ESRRG: variants seen among roughly 807,000 people sequenced by gnomAD.
ESRRG encodes estrogen-related receptor gamma.
In ESRRG, 13 loss-of-function variants were observed where a neutral mutation model predicts 44.0. That is an observed-to-expected ratio of 0.30 (90% confidence interval 0.19 to 0.47). The LOEUF is 0.47. Among genes scored for constraint, ESRRG ranks in the 20% least tolerant of loss-of-function variants. ESRRG has a pLI of 1.00. For missense variants in ESRRG, 395 were observed against 580.6 expected (o/e 0.68, Z 3.29); for synonymous variants, 215 against 214.6 (o/e 1.00, Z -0.02).
At chr1:216,805,510 A>G (rs2094760447) in intron 2 of ESRRG, 1 of 152,202 alleles carries the variant, frequency 6.6e-6, no homozygotes, top group African/African-American at 2.4e-5. Context: ...TCACAAGTCC[A>G]GGCGGGTCAC....
intron 5 of ESRRG, among the ~76,000 whole-genome samples, chr1:216,536,630 C>T (rs992393890): frequency 6.6e-6 from 1 of 152,008 alleles, no homozygotes; most frequent in Non-Finnish European, 1.5e-5. Flanking sequence ...TCCACAGAAT[C>T]CTTCATTGTC....
At chr1:216,639,498 G>A (rs560987733) in intron 3 of ESRRG, among the ~76,000 whole-genome samples, 1 of 152,136 alleles carries the variant, frequency 6.6e-6, no homozygotes, top group Non-Finnish European at 1.5e-5. Context: ...CAACATGCTG[G>A]CTTGAACTGA....
chr1:217,074,451 C>CT (rs140445948), intron 1 of ESRRG, among the ~76,000 whole-genome samples: 1 of 144,118 alleles, frequency 6.9e-6, no homozygotes, highest in Middle Eastern at 3.4e-3. Flanking sequence ...TCCACCCCCC[C>CT]CAAAAAAAAA....
chr1:216,990,943 C>T (rs1454815792), intron 1 of ESRRG, among the ~76,000 whole-genome samples: 2 of 152,104 alleles, frequency 1.3e-5, no homozygotes, highest in African/African-American at 2.4e-5. Context: ...CCAACTGCCC[C>T]CCAACCCCAC....
At chr1:216,549,856 T>C (rs1233404489) in intron 5 of ESRRG, among the ~76,000 whole-genome samples, 1 of 152,164 alleles carries the variant, frequency 6.6e-6, no homozygotes, top group Non-Finnish European at 1.5e-5. Context: ...TTTGTTTTTC[T>C]TTATTTTTAC....
intron 2 of ESRRG, among the ~76,000 whole-genome samples, chr1:216,870,693 G>A (rs1356493618): frequency 6.6e-6 from 1 of 151,868 alleles, no homozygotes. Flanking sequence ...AACAGGTATT[G>A]GTTTGCCTAT....
intron 2 of ESRRG, among the ~76,000 whole-genome samples, chr1:216,912,131 A>G (rs1203403980): frequency 1.3e-4 from 3 of 22,738 alleles, no homozygotes; most frequent in African/African-American, 4.8e-4. Flanking sequence ...AAAAGAAAAG[A>G]AAAGAAAAGA....
chr1:216,896,723 C>T (rs1463049902), intron 2 of ESRRG, among the ~76,000 whole-genome samples: 1 of 152,118 alleles, frequency 6.6e-6, no homozygotes. Flanking sequence ...TGCAAATACA[C>T]TTCCAATAAG....
intron 3 of ESRRG, among the ~76,000 whole-genome samples, chr1:216,610,745 G>A (rs2060538644): frequency 6.6e-6 from 1 of 151,996 alleles, no homozygotes; most frequent in South Asian, 2.1e-4. Context: ...TATTGATAAT[G>A]TTGAGCACTA....
At chr1:216,582,530 T>G (rs1264431975) in intron 3 of ESRRG, among the ~76,000 whole-genome samples, 1 of 152,092 alleles carries the variant, frequency 6.6e-6, no homozygotes, top group African/African-American at 2.4e-5. Context: ...CAGCCTCTGC[T>G]CCCAGGTTCC....
intron 5 of ESRRG, among the ~76,000 whole-genome samples, chr1:216,553,718 T>G (rs771265662): frequency 1.4e-4 from 22 of 152,118 alleles, no homozygotes; most frequent in Non-Finnish European, 1.0e-4. Flanking sequence ...AATATTTTAC[T>G]GCACCATAAG....
At chr1:216,969,596 C>G (rs540374173) in intron 1 of ESRRG, among the ~76,000 whole-genome samples, 232 of 152,038 alleles carry the variant, frequency 1.5e-3, no homozygotes, top group African/African-American at 5.4e-3. Context: ...ATTTTCTTTC[C>G]TTTTTTGAGA....
At chr1:216,566,798 A>G (rs11572771) in intron 4 of ESRRG, among the ~76,000 whole-genome samples, 2,329 of 152,330 alleles carry the variant, frequency 0.015, 72 homozygotes, top group African/African-American at 0.053. Context: ...AGATTGGACA[A>G]TTGAAGGTAT....
chr1:217,061,161 G>A (rs2088387478), intron 1 of ESRRG, among the ~76,000 whole-genome samples: 2 of 151,920 alleles, frequency 1.3e-5, no homozygotes, highest in Non-Finnish European at 2.9e-5. Context: ...CCTTGTTCAA[G>A]ACAAAGACAA....
In ESRRG at chr1:216,723,359, G is replaced by A; in HGVS notation, c.-60C>T. 3 of 1,516,116 alleles carry A rather than the reference G, an allele frequency of 2.0e-6. No homozygotes were observed. The highest frequency in any genetic ancestry group is 2.7e-6 in the Non-Finnish European group (3 of 1,091,222). The allele number at this position is 1,516,116 out of a possible 1,614,324, so 93.9% of individuals were successfully genotyped here. A position where few individuals can be genotyped will look rare whatever the true frequency, so the allele number is the denominator to read the frequency against. ...TATAAATCAAAGTTTCCTTGACAGA[G>A]CACAGTGCAATTAACACAAATGTTC... On this transcript the variant is annotated 5_prime_UTR_variant, in exon 1 of 7. Coordinates refer to ENST00000408911, the MANE Select transcript of ESRRG (RefSeq NM_001438.4).
At chr1:217,049,673 G>A (rs1025746038) in intron 1 of ESRRG, among the ~76,000 whole-genome samples, 4 of 152,138 alleles carry the variant, frequency 2.6e-5, no homozygotes, top group South Asian at 2.1e-4. Flanking sequence ...TCTCTCCACT[G>A]GGCAAGGTCC....
At chr1:216,945,387 A>G (rs1020926777) in intron 1 of ESRRG, among the ~76,000 whole-genome samples, 2 of 152,222 alleles carry the variant, frequency 1.3e-5, no homozygotes, top group African/African-American at 4.8e-5. Flanking sequence ...CAAATCTGCA[A>G]GCAGACCCCG....
intron 5 of ESRRG, among the ~76,000 whole-genome samples, chr1:216,529,881 G>A (rs1399897462): frequency 2.0e-5 from 3 of 151,928 alleles, no homozygotes; most frequent in Non-Finnish European, 4.4e-5. Flanking sequence ...GGAGGCCCAG[G>A]TGAGTGGATC....
chr1:217,020,879 A>G (rs896443959), intron 1 of ESRRG, among the ~76,000 whole-genome samples: 1 of 152,190 alleles, frequency 6.6e-6, no homozygotes, highest in South Asian at 2.1e-4. Flanking sequence ...ATCCTGACGC[A>G]TGACATGACT....
Sources: gnomAD v4.1 joint callset for allele counts (sites outside exome capture counted in the v4.1 genomes callset) on GRCh38, gnomAD v4.1.1 for gene constraint, MANE v1.5 for transcripts, NCBI Gene and HGNC (gene_info 2026-07-23, HGNC 2026-07-21) for gene names.